Variants in CRADD observed in about 807,000 individuals in gnomAD.
The protein encoded by CRADD is CARD and death domain containing adaptor protein, also known as death domain-containing protein CRADD.
CRADD carries 9 observed loss-of-function variants against 15.5 expected under a neutral mutation model. That is an observed-to-expected ratio of 0.58 (90% CI 0.35 to 1.01). The LOEUF is 1.01. CRADD is among the 50% of genes least tolerant of loss of function. The pLI is 0.02. For missense variants in CRADD, 227 were observed against 250.3 expected (o/e 0.91, Z 0.63); for synonymous variants, 118 against 107.6 (o/e 1.10, Z -0.60).
chr12:93,705,985 A>AT (rs1296927049), intron 2 of CRADD, among the ~76,000 whole-genome samples: 1 of 152,064 alleles, frequency 6.6e-6, no homozygotes, highest in Non-Finnish European at 1.5e-5. Flanking sequence ...GGCAATGGTT[A>AT]TTTTTTTCAT....
chr12:93,842,287 C>T lies in CRADD; in HGVS notation c.299-7683C>T, dbSNP rs75386680. 3.3e-5 allele frequency among the ~76,000 whole-genome samples: 5 copies of T among 152,268 alleles called. No individual in the cohort carries two copies. In the East Asian group the frequency reaches 9.6e-4, roughly 29 times the overall value. ...GTGGACTGTCCTTCACTCACAGAAC[C>T]CACATCCAACCAGTTATTCCAGTGA... On this transcript the variant is annotated intron_variant, in intron 2 of 2. Transcript: ENST00000332896.
At chr12:93,730,214 C>T (rs1179135595) in intron 2 of CRADD, among the ~76,000 whole-genome samples, 2 of 152,240 alleles carry the variant, frequency 1.3e-5, no homozygotes, top group Non-Finnish European at 2.9e-5. Flanking sequence ...CTAGATCACA[C>T]ATTTAGCAAA....
chr12:93,790,185 G>T (rs1215921134), intron 2 of CRADD, among the ~76,000 whole-genome samples: 1 of 152,094 alleles, frequency 6.6e-6, no homozygotes, highest in South Asian at 2.1e-4. Flanking sequence ...ACCTATAGCC[G>T]CAGAAAGAGC....
intron 2 of CRADD, among the ~76,000 whole-genome samples, chr12:93,736,466 C>T (rs1956571693): frequency 6.6e-6 from 1 of 152,122 alleles, no homozygotes; most frequent in Non-Finnish European, 1.5e-5. Flanking sequence ...CCAACTTTTC[C>T]TCTAGTTATT....
intron 2 of CRADD, among the ~76,000 whole-genome samples, chr12:93,808,579 C>T (rs540496148): frequency 5.3e-5 from 8 of 152,222 alleles, no homozygotes; most frequent in Middle Eastern, 6.8e-3. Context: ...GCACTGTGCC[C>T]ACCCAGTTTC....
At chr12:93,822,025 C>T (rs370708292) in intron 2 of CRADD, among the ~76,000 whole-genome samples, 5 of 151,148 alleles carry the variant, frequency 3.3e-5, no homozygotes, top group South Asian at 2.1e-4. Flanking sequence ...GGTTGAGGCA[C>T]GAGAATTGCT....
At chr12:93,831,761 A>C (rs1485888) in intron 2 of CRADD, among the ~76,000 whole-genome samples, 43,629 of 152,248 alleles carry the variant, frequency 0.29, 7,168 homozygotes, top group Middle Eastern at 0.42. Context: ...CTTGCAGGTT[A>C]GCGTCTTTGG....
intron 2 of CRADD, among the ~76,000 whole-genome samples, chr12:93,855,812 GTTTTTC>G (rs902851371): frequency 6.6e-6 from 1 of 152,154 alleles, no homozygotes; most frequent in African/African-American, 2.4e-5. Flanking sequence ...GGCTATCAGA[GTTTTTC>G]TTTTTCTTTT....
intron 2 of CRADD, among the ~76,000 whole-genome samples, chr12:93,793,137 C>G (rs1957369832): frequency 6.6e-6 from 1 of 152,104 alleles, no homozygotes; most frequent in Non-Finnish European, 1.5e-5. Context: ...ATAAGCAACT[C>G]AAGACGTGCA....
At chr12:93,835,156 T>A (rs1957960100) in intron 2 of CRADD, among the ~76,000 whole-genome samples, 1 of 152,204 alleles carries the variant, frequency 6.6e-6, no homozygotes, top group Admixed American at 6.5e-5. Flanking sequence ...GAACGATGAA[T>A]TTTTTAGTTT....
chr12:93,883,927 G>A (rs1222035333), intron 2 of CRADD, among the ~76,000 whole-genome samples: 1 of 152,196 alleles, frequency 6.6e-6, no homozygotes, highest in Non-Finnish European at 1.5e-5. Context: ...TGGAATCCCA[G>A]AGGCCTCTCC....
chr12:93,822,379 T>C (rs1337473142), intron 2 of CRADD, among the ~76,000 whole-genome samples: 1 of 152,134 alleles, frequency 6.6e-6, no homozygotes, highest in East Asian at 1.9e-4. Flanking sequence ...AGGAGGAGGT[T>C]ACATCATTTC....
chr12:93,798,642 A>G (rs1957445900), intron 2 of CRADD, among the ~76,000 whole-genome samples: 1 of 152,132 alleles, frequency 6.6e-6, no homozygotes, highest in African/African-American at 2.4e-5. Flanking sequence ...CTTCCTTTCC[A>G]AGGTTGGAAG....
intron 2 of CRADD, among the ~76,000 whole-genome samples, chr12:93,688,100 C>T (rs912690856): frequency 2.6e-5 from 4 of 151,984 alleles, no homozygotes; most frequent in Non-Finnish European, 4.4e-5. Context: ...GAAGATGGCT[C>T]GAGGATGGAA....
At chr12:93,746,200 A>T (rs1956747210) in intron 2 of CRADD, among the ~76,000 whole-genome samples, 1 of 152,196 alleles carries the variant, frequency 6.6e-6, no homozygotes, top group Non-Finnish European at 1.5e-5. Context: ...GAAGATTGGG[A>T]TTTTCCCTTG....
chr12:93,839,543 T>C (rs952077277), intron 2 of CRADD, among the ~76,000 whole-genome samples: 1 of 152,236 alleles, frequency 6.6e-6, no homozygotes, highest in African/African-American at 2.4e-5. Context: ...CCAGTACGAC[T>C]GTCCGATCTT....
intron 2 of CRADD, among the ~76,000 whole-genome samples, chr12:93,844,161 A>G (rs760141631): frequency 1.7e-4 from 26 of 152,228 alleles, no homozygotes; most frequent in Non-Finnish European, 3.1e-4. Context: ...ATAGATGACT[A>G]TTGCAATACA....
chr12:93,752,075 T>C (rs1372786668), intron 2 of CRADD, among the ~76,000 whole-genome samples: 1 of 152,200 alleles, frequency 6.6e-6, no homozygotes, highest in Non-Finnish European at 1.5e-5. Context: ...GGGTGGGGCA[T>C]GTATGCTTGA....
At position 93,711,948 on chromosome 12, in the gene CRADD, G is replaced by C. The variant is rs375493926; in HGVS notation, c.298+32876G>C. 2.4e-4 allele frequency among the ~76,000 whole-genome samples: 37 copies of C among 152,040 alleles called. No individual in the cohort carries two copies. The East Asian group carries it at 3.5e-3, about 14-fold the overall frequency. On this transcript the variant is annotated intron_variant, in intron 2 of 2. Coordinates refer to ENST00000332896, the MANE Select transcript of CRADD (RefSeq NM_003805.5). ...TTTTTGTATTTTTAGTAGAATTGGG[G>C]TTTCACCATGTTGGCCAAGCTGCTC...
Sources: allele counts gnomAD v4.1 joint callset (sites outside exome capture counted in the v4.1 genomes callset), GRCh38; gene constraint gnomAD v4.1.1; transcripts MANE v1.5; gene names NCBI Gene and HGNC (gene_info 2026-07-23, HGNC 2026-07-21).